The following DNMT3A variants were observed in gnomAD, a reference collection of about 807,000 sequenced individuals.
DNMT3A encodes DNA (cytosine-5)-methyltransferase 3A.
In DNMT3A, 267 loss-of-function variants were observed where a neutral mutation model predicts 117.6. The ratio of observed to expected loss-of-function variants is 2.27; its 90% CI spans 2.05 to 2.51. The LOEUF (loss-of-function observed/expected upper bound fraction) is 2.51. DNMT3A is among the 30% of genes most tolerant of loss of function. The pLI is 0.00. For synonymous variants in DNMT3A, 432 were observed against 474.8 expected (o/e 0.91, Z 1.17); for missense variants, 1,029 against 1,260.2 (o/e 0.82, Z 2.78).
At chr2:25,272,440 A>C (rs973436997) in intron 6 of DNMT3A, among the ~76,000 whole-genome samples, 3 of 152,218 alleles carry the variant, frequency 2.0e-5, no homozygotes, top group African/African-American at 7.2e-5. Flanking sequence ...GAGTTTGAGA[A>C]TCATGGAATT....
At position 25,293,843 on chromosome 2, in the gene DNMT3A, C is replaced by G. The variant is rs1038473790; in HGVS notation, c.177+6296G>C. 3.3e-5 allele frequency among the ~76,000 whole-genome samples: 5 copies of G among 152,060 alleles called. No homozygotes were observed. Among genetic ancestry groups the G allele is most frequent in the African/African-American group, 1.2e-4 (5 of 41,410 alleles). On this transcript the variant is annotated intron_variant, in intron 3 of 22. Transcript: ENST00000321117. The surrounding 1 kb of genome is among the most constrained non-coding windows in gnomAD (Gnocchi z 4.7). ...ATGTGCCACCACATTCGGCTTTTTTCTATTTTTAGTAGAGATGGGGTTTTG... is the reference window on the plus strand; with the variant it reads ...ATGTGCCACCACATTCGGCTTTTTTGTATTTTTAGTAGAGATGGGGTTTTG...
At chr2:25,331,509 C>T (rs1249261379) in intron 1 of DNMT3A, among the ~76,000 whole-genome samples, 1 of 152,184 alleles carries the variant, frequency 6.6e-6, no homozygotes, top group African/African-American at 2.4e-5. Flanking sequence ...CATCAACTTC[C>T]AGCCCACCCA....
intron 3 of DNMT3A, among the ~76,000 whole-genome samples, chr2:25,291,913 A>T (rs1204398547): frequency 6.6e-6 from 1 of 152,220 alleles, no homozygotes; most frequent in African/African-American, 2.4e-5. Context: ...GTGCTCTTTG[A>T]AGTCAACCTC....
In DNMT3A at chr2:25,327,383, C is replaced by T. The variant is rs958079178; in HGVS notation, c.-177-13222G>A. On this transcript the variant is annotated intron_variant, in intron 1 of 22. Coordinates refer to ENST00000321117, the MANE Select transcript of DNMT3A (RefSeq NM_022552.5). This position sits in a 1 kb window ranked among gnomAD's most constrained non-coding sequence, Gnocchi z 4.1. ...CAACATCCTGGCCAGCTAATCACTC[C>T]CTGCTTCAAGCACTCACTCAACAGC... Among the ~76,000 whole-genome samples, 1 of 152,130 alleles carries T rather than the reference C, an allele frequency of 6.6e-6. No homozygotes were observed. Among genetic ancestry groups the T allele is most frequent in the African/African-American group, 2.4e-5 (1 of 41,416 alleles).
intron 4 of DNMT3A, among the ~76,000 whole-genome samples, chr2:25,278,643 T>C (rs2031649528): frequency 1.3e-5 from 2 of 152,158 alleles, no homozygotes; most frequent in African/African-American, 4.8e-5. Flanking sequence ...CTGGCCAACA[T>C]GGCGAAACCC....
At position 25,228,370 on chromosome 2, in the gene DNMT3A, T is replaced by C. The variant is rs1437586314; in HGVS notation, c.*5909A>G. On this transcript the variant is annotated 3_prime_UTR_variant, in exon 23 of 23. Transcript: ENST00000321117. ...AGGGAAGAGTCTGGGAAGTCCTGCATTTAGCTGCGTGGAATGTGGAGTAAA... is the reference window on the plus strand; with the variant it reads ...AGGGAAGAGTCTGGGAAGTCCTGCACTTAGCTGCGTGGAATGTGGAGTAAA... The C allele has an allele frequency of 1.3e-5, 2 of 151,638 alleles. No individual in the cohort carries two copies. Among genetic ancestry groups the C allele is most frequent in the African/African-American group, 2.4e-5 (1 of 41,258 alleles). 9.4% of individuals were successfully genotyped at this position (151,638 alleles called of 1,614,324 possible). A position where few individuals can be genotyped will look rare whatever the true frequency, so the allele number is the denominator to read the frequency against.
chr2:25,317,424 C>T (rs889106361), intron 1 of DNMT3A, among the ~76,000 whole-genome samples: 1 of 152,242 alleles, frequency 6.6e-6, no homozygotes, highest in Admixed American at 6.5e-5. Flanking sequence ...ATACCACCAA[C>T]AAAATTGTGG....
rs2149425626 is a variant in DNMT3A, at chr2:25,311,976, AGCG to A, written c.72+1934_72+1936del. On this transcript the variant is annotated intron_variant, in intron 2 of 22. Coordinates refer to ENST00000321117, the MANE Select transcript of DNMT3A (RefSeq NM_022552.5). This position sits in a 1 kb window ranked among gnomAD's most constrained non-coding sequence, Gnocchi z 5.2. The stretch of plus-strand genomic sequence containing the variant: ...GGGCTCCGCAGCCCAGAGCAGCAGC[AGCG>A]GCGTGGGAGTACAGTCCAGTAACAG... Among the ~76,000 whole-genome samples the A allele has an allele frequency of 6.6e-6, 1 of 152,234 alleles. No individual in the cohort carries two copies. The highest frequency in any genetic ancestry group is 1.9e-4 in the East Asian group (1 of 5,162).
chr2:25,321,080 C>T (rs547953999), intron 1 of DNMT3A, among the ~76,000 whole-genome samples: 4 of 151,384 alleles, frequency 2.6e-5, no homozygotes, highest in East Asian at 1.9e-4. Context: ...TTGCGGTGAG[C>T]GGAGATGGCA....
At chr2:25,276,550 A>AG (rs2149368525) in intron 4 of DNMT3A, among the ~76,000 whole-genome samples, 1 of 152,328 alleles carries the variant, frequency 6.6e-6, no homozygotes, top group East Asian at 1.9e-4. Context: ...CCCCAGCATG[A>AG]GGGGAGCTGC....
intron 1 of DNMT3A, among the ~76,000 whole-genome samples, chr2:25,324,001 A>C (rs1256687664): frequency 6.6e-6 from 1 of 152,180 alleles, no homozygotes; most frequent in African/African-American, 2.4e-5. Flanking sequence ...CTCTCTCACA[A>C]TCAGCATGTG....
rs774112139 is a variant in DNMT3A, at chr2:25,246,159, C to T, written c.1429+1G>A. On this transcript the variant is annotated splice_donor_variant, in intron 11 of 22. Coordinates refer to ENST00000321117, the MANE Select transcript of DNMT3A (RefSeq NM_022552.5). LOFTEE classifies it high-confidence loss of function. ...ACCCTCTCCAGAAGCAGGCCAACTA[C>T]CTCTTGTGCGCTCATCAATAATCTC... The T allele has an allele frequency of 1.2e-5, 20 of 1,613,814 alleles. No individual in the cohort carries two copies. Among genetic ancestry groups the T allele is most frequent in the Non-Finnish European group, 1.4e-5 (16 of 1,179,846 alleles).
At position 25,314,156 on chromosome 2, in the gene DNMT3A, C is replaced by T; in HGVS notation, c.-172G>A. 2 of 1,424,842 alleles carry T rather than the reference C, an allele frequency of 1.4e-6. No individual in the cohort carries two copies. Among genetic ancestry groups the T allele is most frequent in the Non-Finnish European group, 1.8e-6 (2 of 1,093,056 alleles). 88.3% of individuals were successfully genotyped at this position (1,424,842 alleles called of 1,614,324 possible). On this transcript the variant is annotated 5_prime_UTR_variant, in exon 2 of 23. Coordinates refer to ENST00000321117, the MANE Select transcript of DNMT3A (RefSeq NM_022552.5). ...AGCCTGTGGGTGGGGGCTTCGATGG[C>T]TCCACCTGTGGGGGAGAGAAGAGGA... is the stretch of plus-strand genomic sequence containing the variant.
rs2033205144 is a variant in DNMT3A at position 25,298,120 on chromosome 2, T to C, written c.177+2019A>G. Among the ~76,000 whole-genome samples the C allele has an allele frequency of 6.6e-6, 1 of 152,206 alleles. No individual in the cohort carries two copies. On this transcript the variant is annotated intron_variant, in intron 3 of 22. Coordinates refer to ENST00000321117, the MANE Select transcript of DNMT3A (RefSeq NM_022552.5). This position sits in a 1 kb window ranked among gnomAD's most constrained non-coding sequence, Gnocchi z 4.3. The stretch of plus-strand genomic sequence containing the variant: ...AGAAATGCATCCTTTTCTCCTCTAT[T>C]TTTAGAAGGGGAACCTGAGGTTCAG...
chr2:25,299,332 C>T (rs979577414), intron 3 of DNMT3A, among the ~76,000 whole-genome samples: 3 of 152,160 alleles, frequency 2.0e-5, no homozygotes, highest in African/African-American at 7.2e-5. Context: ...TTCCCCAGGG[C>T]CCTGGTTCTC....
intron 6 of DNMT3A, among the ~76,000 whole-genome samples, chr2:25,260,489 A>G (rs1676509080): frequency 1.3e-5 from 2 of 152,006 alleles, no homozygotes; most frequent in African/African-American, 4.8e-5. Context: ...TTTGCCCCAC[A>G]AAGCTGCCTT....
Position 25,306,159 on chromosome 2 carries a change from C to T in DNMT3A, c.73-5916G>A, listed in dbSNP as rs865990461. On this transcript the variant is annotated intron_variant, in intron 2 of 22. Coordinates refer to ENST00000321117, the MANE Select transcript of DNMT3A (RefSeq NM_022552.5). This position sits in a 1 kb window ranked among gnomAD's most constrained non-coding sequence, Gnocchi z 4.1. ...CAGGCTCTGCAGAGCTACAGCCACA[C>T]GCTTGCGTACCCCAATGCCACACAG... Among the ~76,000 whole-genome samples the T allele has an allele frequency of 1.3e-5, 2 of 152,302 alleles. No homozygotes were observed. The highest frequency in any genetic ancestry group is 3.4e-3 in the Middle Eastern group (1 of 294).
upstream of DNMT3A, chr2:25,341,928 C>A: frequency 1.0e-6 from 1 of 976,198 alleles, no homozygotes; most frequent in South Asian, 4.6e-5. Context: ...GCCCGCGCGC[C>A]CTCCCTCCCT....
chr2:25,338,138 T>A (rs1465764), intron 1 of DNMT3A, among the ~76,000 whole-genome samples: 138,914 of 152,222 alleles, frequency 0.91, 63,739 homozygotes, highest in African/African-American at 0.95. Flanking sequence ...GGAAGTACCC[T>A]GGGAGAGGCA....
Sources: allele counts gnomAD v4.1 joint callset (sites outside exome capture counted in the v4.1 genomes callset), GRCh38; gene constraint gnomAD v4.1.1; non-coding constraint Gnocchi (gnomAD v3.1); transcripts MANE v1.5; gene names NCBI Gene and HGNC (gene_info 2026-07-23, HGNC 2026-07-21).